Variants in COL4A4 observed in about 807,000 individuals in gnomAD.
The protein encoded by COL4A4 is collagen alpha-4(IV) chain.
A neutral mutation model predicts 192.9 loss-of-function variants in COL4A4; 105 were observed. The ratio of observed to expected loss-of-function variants is 0.54; its 90% CI spans 0.46 to 0.64. The LOEUF (loss-of-function observed/expected upper bound fraction) is 0.64. COL4A4 is among the 30% of genes least tolerant of loss of function. COL4A4 has a pLI of 0.00. For missense variants in COL4A4, 1,967 were observed against 2,169.3 expected (o/e 0.91, Z 1.85); for synonymous variants, 762 against 769.9 (o/e 0.99, Z 0.17).
intron 35 of COL4A4, 45 bp downstream of exon 35, chr2:227,047,429 AC>A (rs1452323218): frequency 2.9e-6 from 4 of 1,378,852 alleles, no homozygotes; most frequent in Non-Finnish European, 4.1e-6. Flanking sequence ...TGCTTTTCAA[AC>A]TAAACTACTT....
Position 227,059,577 on chromosome 2 carries a change from C to T in COL4A4, c.2211G>A (p.Gly737=). 6.2e-7 allele frequency: 1 copy of T among 1,614,080 alleles called. No homozygotes were observed. The highest frequency in any genetic ancestry group is 8.5e-7 in the Non-Finnish European group (1 of 1,180,014). The change falls in exon 28 of 48, where the codon GGG becomes GGA. Residue 737 remains glycine, a synonymous_variant. Coordinates refer to ENST00000396625, the MANE Select transcript of COL4A4 (RefSeq NM_000092.5). ...GGCCTGGGGGCCCAACAGGGGAGGA[C>T]CCCTTTTCACCTCCAAAACCCGGAT... ...MGDPGFGGEK[G]SSPVGPPGPP... is the part of the protein sequence containing the mutation.
At chr2:226,983,631 T>A in the COL4A4 span, among the ~76,000 whole-genome samples, 1 of 152,230 alleles carries the variant, frequency 6.6e-6, no homozygotes, top group African/African-American at 2.4e-5. Flanking sequence ...TTTTTTTTCC[T>A]TATTCCTTGA....
chr2:227,012,129 A>C (rs1963867630), intron 45 of COL4A4, 52 bp downstream of exon 45: 1 of 1,409,676 alleles, frequency 7.1e-7, no homozygotes, highest in South Asian at 1.1e-5. Flanking sequence ...GATTTTGTAT[A>C]CAACTCTAAG....
intron 25 of COL4A4, among the ~76,000 whole-genome samples, chr2:227,077,546 G>A (rs886555491): frequency 2.6e-5 from 4 of 152,196 alleles, no homozygotes; most frequent in Admixed American, 1.3e-4. Flanking sequence ...CTTAATGCAT[G>A]TGGGGCTTAA....
intron 47 of COL4A4, 78 bp downstream of exon 47, chr2:227,007,940 C>G: frequency 6.5e-7 from 1 of 1,545,046 alleles, no homozygotes; most frequent in Non-Finnish European, 8.8e-7. Context: ...GAATTACTGT[C>G]CAATCCAGAG....
chr2:227,082,053 A>G, intron 23 of COL4A4, 62 bp downstream of exon 23: 1 of 1,344,246 alleles, frequency 7.4e-7, no homozygotes, highest in Non-Finnish European at 1.1e-6. Context: ...AAATTACTGC[A>G]AGAGGAGGGT....
chr2:227,041,852 A>AAGAGAG (rs1412480175), intron 37 of COL4A4, among the ~76,000 whole-genome samples: 3 of 71,392 alleles, frequency 4.2e-5, no homozygotes, highest in Admixed American at 2.6e-4. Flanking sequence ...AAGAAAGAGA[A>AAGAGAG]AGAAAGAAAG....
At chr2:227,094,831 T>C (rs918492065) in intron 19 of COL4A4, among the ~76,000 whole-genome samples, 6 of 152,146 alleles carry the variant, frequency 3.9e-5, no homozygotes, top group East Asian at 1.9e-4. Context: ...ATATAAACAA[T>C]TTTTATATGT....
chr2:227,114,708 A>G lies in COL4A4; in HGVS notation c.490-12T>C. The G allele has an allele frequency of 6.2e-7, 1 of 1,603,968 alleles. No homozygotes were observed. Among genetic ancestry groups the G allele is most frequent in the Non-Finnish European group, 8.5e-7 (1 of 1,170,734 alleles). On this transcript the variant is annotated splice_polypyrimidine_tract_variant and intron_variant, in intron 7 of 47. Coordinates refer to ENST00000396625, the MANE Select transcript of COL4A4 (RefSeq NM_000092.5). Reference sequence around the variant, plus strand: ...TCCCCAGGATGGCCCTGAAAATAAAATATGTATGTACTTAACAGGAAAATA... The same window carrying G: ...TCCCCAGGATGGCCCTGAAAATAAAGTATGTATGTACTTAACAGGAAAATA...
chr2:227,015,734 T>A (rs1343413985), intron 44 of COL4A4, among the ~76,000 whole-genome samples: 1 of 152,184 alleles, frequency 6.6e-6, no homozygotes, highest in Non-Finnish European at 1.5e-5. Flanking sequence ...AAATAAATTA[T>A]GGCACAATCA....
the COL4A4 span, chr2:226,995,863 C>A: frequency 7.9e-6 from 2 of 252,094 alleles, no homozygotes; most frequent in Admixed American, 5.4e-5. Context: ...GTTTTACTTA[C>A]ACCAGTCGGG....
At chr2:227,077,302 T>C (rs886266757) in intron 25 of COL4A4, among the ~76,000 whole-genome samples, 1 of 152,186 alleles carries the variant, frequency 6.6e-6, no homozygotes, top group African/African-American at 2.4e-5. Context: ...TGGTATACTA[T>C]GCAGCCATAA....
chr2:227,142,414 C>T (rs911290207), intron 3 of COL4A4, among the ~76,000 whole-genome samples: 2 of 152,196 alleles, frequency 1.3e-5, no homozygotes, highest in Non-Finnish European at 2.9e-5. Context: ...GGAAAAGTCA[C>T]TATCTGCCTT....
Position 227,144,542 on chromosome 2 carries a change from G to A in COL4A4, c.88C>T (p.Leu30Phe), listed in dbSNP as rs758174051. The A allele has an allele frequency of 8.7e-6, 14 of 1,609,724 alleles. No homozygotes were observed. The highest frequency in any genetic ancestry group is 1.1e-5 in the Non-Finnish European group (13 of 1,176,296). Residue 30 changes from leucine (L) to phenylalanine (F), a missense_variant, in exon 3 of 48, where the codon CTC becomes TTC. Transcript: ENST00000396625. ...ATGPWSLILI[L>F]FSVQYVYGSG... ...CCATATACATATTGTACAGAAAAGA[G>A]AATGAGTATAAGTGACCTACAGAAA...
At chr2:227,090,854 A>G (rs1342212525) in intron 20 of COL4A4, among the ~76,000 whole-genome samples, 1 of 151,022 alleles carries the variant, frequency 6.6e-6, no homozygotes, top group East Asian at 1.9e-4. Flanking sequence ...ACAACCAAGT[A>G]AAAGAACTTG....
At chr2:227,121,178 GT>G in intron 4 of COL4A4, 30 bp from the exon 5 acceptor site, 1 of 1,611,596 alleles carries the variant, frequency 6.2e-7, no homozygotes, top group African/African-American at 1.3e-5. Flanking sequence ...AGAAATGGGG[GT>G]GCAATTCTTA....
chr2:227,081,268 C>T (rs1341890855), intron 23 of COL4A4, among the ~76,000 whole-genome samples: 1 of 152,196 alleles, frequency 6.6e-6, no homozygotes, highest in Non-Finnish European at 1.5e-5. Context: ...GGGTGGGCAC[C>T]ATCCAATTAG....
the COL4A4 span, among the ~76,000 whole-genome samples, chr2:226,983,269 G>A: frequency 1.3e-5 from 2 of 151,986 alleles, no homozygotes; most frequent in African/African-American, 4.8e-5. Flanking sequence ...CAAGCTCCCC[G>A]ACGTGGATTT....
intron 38 of COL4A4, among the ~76,000 whole-genome samples, chr2:227,032,865 T>C (rs1968730992): frequency 6.6e-6 from 1 of 152,238 alleles, no homozygotes; most frequent in Non-Finnish European, 1.5e-5. Flanking sequence ...CTTTGTCTGA[T>C]CATAAGCGGT....
Sources: gnomAD v4.1 joint callset for allele counts (sites outside exome capture counted in the v4.1 genomes callset) on GRCh38, gnomAD v4.1.1 for gene constraint, MANE v1.5 for transcripts, NCBI Gene and HGNC (gene_info 2026-07-23, HGNC 2026-07-21) for gene names.